The following SCRG1 variants were observed in gnomAD, a reference collection of about 807,000 sequenced individuals.
The protein encoded by SCRG1 is scrapie-responsive protein 1.
A neutral mutation model predicts 7.7 loss-of-function variants in SCRG1; 3 were observed. The ratio of observed to expected loss-of-function variants is 0.39; its 90% CI spans 0.18 to 1.01. SCRG1 has a LOEUF of 1.01. Ranked by LOEUF, SCRG1 falls within the 50% of genes least tolerant of loss-of-function variation. The pLI is 0.36. For synonymous variants in SCRG1, 46 were observed against 41.2 expected, an observed-to-expected ratio of 1.12 and a Z score of -0.44; for missense variants, 110 against 117.2, an observed-to-expected ratio of 0.94 and a Z score of 0.28.
At chr4:173,393,335 T>G (rs1195307877) in intron 1 of SCRG1, among the ~76,000 whole-genome samples, 1 of 152,182 alleles carries the variant, frequency 6.6e-6, no homozygotes, top group Non-Finnish European at 1.5e-5. Context: ...GCTATATATT[T>G]CCTTAGAATT....
chr4:173,456,487 G>T, the SCRG1 span, among the ~76,000 whole-genome samples: 2 of 152,064 alleles, frequency 1.3e-5, no homozygotes, highest in South Asian at 2.1e-4. Flanking sequence ...CATTTCATTT[G>T]GTTGTCTGTC....
the SCRG1 span, among the ~76,000 whole-genome samples, chr4:173,438,351 G>A: frequency 4.6e-5 from 7 of 151,654 alleles, no homozygotes; most frequent in South Asian, 6.2e-4. Context: ...TCGAAATCCC[G>A]GGCTCAAGCT....
At chr4:173,451,630 CTTATTTTATTTATTTATTTATTTATTTAT>C in the SCRG1 span, among the ~76,000 whole-genome samples, 2 of 49,980 alleles carry the variant, frequency 4.0e-5, no homozygotes, top group African/African-American at 7.9e-5. Flanking sequence ...ATTTTACTTA[CTTATTTTATTTATTTATTTATTTATTTAT>C]TTATTTATTT....
chr4:173,468,292 G>A, the SCRG1 span: 3 of 152,234 alleles, frequency 2.0e-5, no homozygotes, highest in Non-Finnish European at 2.9e-5. Flanking sequence ...AGGAGCTACA[G>A]GCTATACTAT....
chr4:173,471,042 T>C, the SCRG1 span, among the ~76,000 whole-genome samples: 2 of 152,322 alleles, frequency 1.3e-5, no homozygotes, highest in East Asian at 1.9e-4. Context: ...CCTGTTCACA[T>C]GATAAAATTA....
chr4:173,483,583 TGA>T, the SCRG1 span, among the ~76,000 whole-genome samples: 16 of 83,594 alleles, frequency 1.9e-4, 1 homozygote, highest in African/African-American at 7.7e-4. Flanking sequence ...ATAATATATA[TGA>T]TATATTATAT....
chr4:173,437,104 T>C, the SCRG1 span, among the ~76,000 whole-genome samples: 2 of 152,228 alleles, frequency 1.3e-5, no homozygotes, highest in Non-Finnish European at 2.9e-5. Context: ...TAACATCAAC[T>C]CCTGCTTTCC....
At chr4:173,509,313 T>A in the SCRG1 span, among the ~76,000 whole-genome samples, 1 of 152,118 alleles carries the variant, frequency 6.6e-6, no homozygotes, top group African/African-American at 2.4e-5. The surrounding 1 kb of genome is among the most constrained non-coding windows in gnomAD (Gnocchi z 5.7). Flanking sequence ...GAAGGCGGCA[T>A]CTGCCTGAAT....
chr4:173,515,323 A>G, the SCRG1 span, among the ~76,000 whole-genome samples: 28 of 152,296 alleles, frequency 1.8e-4, no homozygotes, highest in African/African-American at 6.3e-4. The surrounding 1 kb of genome is among the most constrained non-coding windows in gnomAD (Gnocchi z 4.6). Flanking sequence ...TTCTCCTTCC[A>G]CAGGAAATGA....
At chr4:173,402,155 AT>A (rs1466547414), upstream of SCRG1, among the ~76,000 whole-genome samples, 7 of 152,228 alleles carry the variant, frequency 4.6e-5, no homozygotes, top group Non-Finnish European at 1.0e-4. Context: ...TTTATGTGAC[AT>A]AGAGCTTCTA....
intron 1 of SCRG1, 54 bp downstream of exon 1, chr4:173,399,013 CT>C (rs1462799658): frequency 6.6e-6 from 1 of 152,228 alleles, no homozygotes; most frequent in Non-Finnish European, 1.5e-5. Context: ...TACAGTAATA[CT>C]TTGGAGTAGA....
chr4:173,503,800 C>G, the SCRG1 span, among the ~76,000 whole-genome samples: 2 of 152,106 alleles, frequency 1.3e-5, no homozygotes, highest in East Asian at 3.9e-4. This position sits in a 1 kb window ranked among gnomAD's most constrained non-coding sequence, Gnocchi z 6.4. Flanking sequence ...TCGCGATGTC[C>G]CTAATTCTAT....
chr4:173,446,841 C>T, the SCRG1 span: 1 of 152,182 alleles, frequency 6.6e-6, no homozygotes, highest in Non-Finnish European at 1.5e-5. Flanking sequence ...TAACAAGCCT[C>T]ATTTTTTTCA....
the SCRG1 span, among the ~76,000 whole-genome samples, chr4:173,433,991 T>C: frequency 6.6e-6 from 1 of 152,258 alleles, no homozygotes; most frequent in Non-Finnish European, 1.5e-5. Context: ...CTTTGCTTTT[T>C]AGCCTTTCAA....
chr4:173,405,319 A>G (rs1373053051), intron 1 of SCRG1, among the ~76,000 whole-genome samples: 1 of 152,220 alleles, frequency 6.6e-6, no homozygotes, highest in African/African-American at 2.4e-5. Flanking sequence ...TGCCATTTCC[A>G]TCATGTCATA....
chr4:173,473,344 CCTCTTTTCTAT>C, the SCRG1 span, among the ~76,000 whole-genome samples: 2,327 of 144,316 alleles, frequency 0.016, 42 homozygotes, highest in African/African-American at 0.048. Context: ...CTAGAGCAGT[CCTCTTTTCTAT>C]CTCTTTTCTC....
At chr4:173,514,343 T>C in the SCRG1 span, among the ~76,000 whole-genome samples, 2 of 152,190 alleles carry the variant, frequency 1.3e-5, no homozygotes, top group African/African-American at 4.8e-5. Flanking sequence ...AAGATTGACA[T>C]TGTCTAATAG....
chr4:173,481,015 A>G, the SCRG1 span, among the ~76,000 whole-genome samples: 3 of 152,178 alleles, frequency 2.0e-5, no homozygotes, highest in African/African-American at 7.2e-5. Flanking sequence ...TTCAAAACTA[A>G]TTAGTTTTTC....
At chr4:173,465,391 C>T in the SCRG1 span, among the ~76,000 whole-genome samples, 41 of 152,158 alleles carry the variant, frequency 2.7e-4, no homozygotes, top group African/African-American at 9.6e-4. Flanking sequence ...TGTCCATTAA[C>T]AGGGCAACTG....
Sources: gnomAD v4.1 joint callset for allele counts (sites outside exome capture counted in the v4.1 genomes callset) on GRCh38, gnomAD v4.1.1 for gene constraint, Gnocchi (gnomAD v3.1) non-coding constraint, MANE v1.5 for transcripts, NCBI Gene and HGNC (gene_info 2026-07-23, HGNC 2026-07-21) for gene names.